PTPRM: variants seen among roughly 807,000 people sequenced by gnomAD.
PTPRM encodes the protein receptor-type tyrosine-protein phosphatase mu.
Under a neutral mutation model 186.7 loss-of-function variants are expected in PTPRM, and 47 were observed. The ratio of observed to expected loss-of-function variants is 0.25; its 90% CI spans 0.20 to 0.32. The LOEUF is 0.32. PTPRM is among the 10% of genes least tolerant of loss of function. The pLI, the probability that PTPRM is intolerant of heterozygous loss-of-function variation, is 1.00. For synonymous variants in PTPRM, 668 were observed against 674.9 expected, an observed-to-expected ratio of 0.99 and a Z score of 0.16; for missense variants, 1,494 against 1,865.0, an observed-to-expected ratio of 0.80 and a Z score of 3.66.
At chr18:7,702,446 G>C (rs893071317) in intron 1 of PTPRM, among the ~76,000 whole-genome samples, 26 of 152,312 alleles carry the variant, frequency 1.7e-4, no homozygotes, top group Middle Eastern at 6.8e-3. Context: ...GACCAGTGAT[G>C]ATGAGGGTTT....
chr18:7,825,518 T>C (rs558029437), intron 2 of PTPRM, among the ~76,000 whole-genome samples: 34 of 152,022 alleles, frequency 2.2e-4, no homozygotes, highest in African/African-American at 8.0e-4. Flanking sequence ...GGATGGAGGA[T>C]AGGTATATAA....
chr18:8,016,644 A>C (rs915153376), intron 7 of PTPRM, among the ~76,000 whole-genome samples: 2 of 152,206 alleles, frequency 1.3e-5, no homozygotes, highest in African/African-American at 4.8e-5. Context: ...AACTGATTTC[A>C]GATTGGTGTA....
rs899028123 is a variant in PTPRM at position 8,345,294 on chromosome 18, G to A, written c.3054+1774G>A. On this transcript the variant is annotated intron_variant, in intron 23 of 32. Coordinates refer to ENST00000580170, the MANE Select transcript of PTPRM (RefSeq NM_001105244.2). ...AATTTATTAACTAAACAGCACAGAAGCAATAACAAAGTTCAACAAAATAAA... is the reference window on the plus strand; with the variant it reads ...AATTTATTAACTAAACAGCACAGAAACAATAACAAAGTTCAACAAAATAAA... 4.6e-5 allele frequency among the ~76,000 whole-genome samples: 7 copies of A among 152,184 alleles called. No homozygotes were observed. In the East Asian group the frequency reaches 1.4e-3, roughly 29 times the overall value.
intron 32 of PTPRM, among the ~76,000 whole-genome samples, chr18:8,402,127 T>C (rs1483037277): frequency 1.3e-5 from 2 of 152,234 alleles, no homozygotes; most frequent in Non-Finnish European, 2.9e-5. Flanking sequence ...GAGAGGAAAC[T>C]GCAGCAGATA....
intron 2 of PTPRM, among the ~76,000 whole-genome samples, chr18:7,820,974 C>T (rs1362944487): frequency 1.3e-5 from 2 of 152,168 alleles, no homozygotes; most frequent in Non-Finnish European, 1.5e-5. Flanking sequence ...AGCTGCCCCC[C>T]AAGGACTGGG....
chr18:7,619,625 G>A (rs2037888839), intron 1 of PTPRM, among the ~76,000 whole-genome samples: 1 of 152,208 alleles, frequency 6.6e-6, no homozygotes, highest in Non-Finnish European at 1.5e-5. Context: ...CAGTTTGTCT[G>A]TTGAAGCTTC....
chr18:8,253,320 G>A lies in PTPRM; in HGVS notation c.2660G>A (p.Gly887Glu), dbSNP rs1479566494. ...REPADVPYQT[G>E]QLHPAIRVAD... ...CCGGCCGACGTGCCCTATCAGACTG[G>A]GCAGCTCCACCCCGCCATCCGGGTG... is the stretch of plus-strand genomic sequence containing the variant. Residue 887 changes from glycine (G) to glutamate (E), a missense_variant, in exon 19 of 33, where the codon GGG becomes GAG. Physicochemically the swap from Gly to Glu is moderately conservative, Grantham distance 98. Around this residue, in one of 3 missense-constraint regions of PTPRM, gnomAD observed 1,107 missense variants for 1,350.2 expected, o/e 0.82. Coordinates refer to ENST00000580170, the MANE Select transcript of PTPRM (RefSeq NM_001105244.2). The A allele has an allele frequency of 3.1e-6, 5 of 1,597,900 alleles. No homozygotes were observed. The highest frequency in any genetic ancestry group is 1.3e-5 in the African/African-American group (1 of 74,092).
intron 5 of PTPRM, among the ~76,000 whole-genome samples, chr18:7,934,024 C>A (rs2051646664): frequency 2.0e-5 from 3 of 152,200 alleles, no homozygotes; most frequent in Non-Finnish European, 4.4e-5. Context: ...CCTAATTCTT[C>A]CTGTAAAAAC....
At chr18:7,657,640 T>C (rs2038881853) in intron 1 of PTPRM, among the ~76,000 whole-genome samples, 1 of 152,210 alleles carries the variant, frequency 6.6e-6, no homozygotes, top group Non-Finnish European at 1.5e-5. Context: ...AGCTGAGCCA[T>C]GAAAGGGGCA....
chr18:8,173,077 G>A (rs1308434397), intron 14 of PTPRM, among the ~76,000 whole-genome samples: 5 of 152,176 alleles, frequency 3.3e-5, no homozygotes, highest in Non-Finnish European at 5.9e-5. Context: ...AAGAATACTT[G>A]AGATGACTAC....
At chr18:7,777,919 T>TGAG (rs2042670716) in intron 2 of PTPRM, among the ~76,000 whole-genome samples, 1 of 151,920 alleles carries the variant, frequency 6.6e-6, no homozygotes, top group South Asian at 2.1e-4. Context: ...GAGGCTGAGG[T>TGAG]GAGAGGATTG....
intron 7 of PTPRM, among the ~76,000 whole-genome samples, chr18:8,059,131 G>C (rs1439330023): frequency 1.3e-5 from 2 of 151,448 alleles, no homozygotes; most frequent in Non-Finnish European, 2.9e-5. Context: ...TTATTTCCTT[G>C]AGTAGCGGTT....
chr18:8,190,883 T>TA lies in PTPRM; in HGVS notation c.2300+47112dup, dbSNP rs1469872689. Among the ~76,000 whole-genome samples the TA allele has an allele frequency of 5.3e-5, 8 of 152,092 alleles. No homozygotes were observed. The South Asian group carries it at 8.3e-4, about 16-fold the overall frequency. On this transcript the variant is annotated intron_variant, in intron 14 of 32. Coordinates refer to ENST00000580170, the MANE Select transcript of PTPRM (RefSeq NM_001105244.2). ...ATTACTAGAATGACTTTCCTCTTAATAAAAAAAATTGTGTGTTGGGGAGGA... is the reference window on the plus strand; with the variant it reads ...ATTACTAGAATGACTTTCCTCTTAATAAAAAAAAATTGTGTGTTGGGGAGGA...
chr18:7,672,489 A>C (rs892148596), intron 1 of PTPRM, among the ~76,000 whole-genome samples: 11 of 151,966 alleles, frequency 7.2e-5, no homozygotes, highest in African/African-American at 2.4e-4. Context: ...AAAAGGAACA[A>C]AAAGAATGAG....
At chr18:7,825,690 T>G (rs1338336825) in intron 2 of PTPRM, among the ~76,000 whole-genome samples, 1 of 152,124 alleles carries the variant, frequency 6.6e-6, no homozygotes, top group Non-Finnish European at 1.5e-5. Context: ...TCCCATCCCC[T>G]AGAAGTAAGC....
rs141669223 is a variant in PTPRM, at chr18:8,313,014, A to G, written c.2843-1767A>G. Among the ~76,000 whole-genome samples the G allele has an allele frequency of 3.8e-3, 581 of 152,312 alleles. 3 individuals carry two copies. The highest frequency in any genetic ancestry group is 0.013 in the African/African-American group (553 of 41,574). On this transcript the variant is annotated intron_variant, in intron 20 of 32. Coordinates refer to ENST00000580170, the MANE Select transcript of PTPRM (RefSeq NM_001105244.2). ...ACAGGAGGTTAAACTCCAGAAACCA[A>G]TATGAAATTTTGACTTTCACCCATT...
chr18:8,222,494 G>T (rs1485789503), intron 14 of PTPRM, among the ~76,000 whole-genome samples: 1 of 152,166 alleles, frequency 6.6e-6, no homozygotes, highest in Non-Finnish European at 1.5e-5. Context: ...TCTTTCATAA[G>T]GAAAGCCGGA....
chr18:7,709,674 AAAG>A (rs1197364241), intron 1 of PTPRM, among the ~76,000 whole-genome samples: 5 of 152,178 alleles, frequency 3.3e-5, no homozygotes, highest in African/African-American at 9.6e-5. Flanking sequence ...TTAACCAAGA[AAAG>A]AAGATGATGC....
intron 1 of PTPRM, among the ~76,000 whole-genome samples, chr18:7,638,154 C>G (rs1465830961): frequency 6.6e-6 from 1 of 152,118 alleles, no homozygotes; most frequent in Non-Finnish European, 1.5e-5. Flanking sequence ...CTACTCTACC[C>G]TAAACACTGA....
Sources: allele counts gnomAD v4.1 joint callset (sites outside exome capture counted in the v4.1 genomes callset), GRCh38; gene constraint gnomAD v4.1.1; regional missense constraint gnomAD v4.1.1; transcripts MANE v1.5; gene names NCBI Gene and HGNC (gene_info 2026-07-23, HGNC 2026-07-21).